FGF1: variants seen among roughly 807,000 people sequenced by gnomAD.
FGF1 encodes fibroblast growth factor 1, also known as beta-endothelial cell growth factor.
In FGF1, 9 loss-of-function variants were observed where a neutral mutation model predicts 13.4. That is an observed-to-expected ratio of 0.67 (90% CI 0.40 to 1.17). The LOEUF (loss-of-function observed/expected upper bound fraction) is 1.17. Ranked by LOEUF, FGF1 falls within the 50% of genes most tolerant of loss-of-function variation. The probability of loss-of-function intolerance (pLI) is 0.01; values close to 1 mark genes in which losing one functional copy is unlikely to be tolerated. For synonymous variants in FGF1, 93 were observed against 79.0 expected (o/e 1.18, Z -0.94); for missense variants, 156 against 192.7 (o/e 0.81, Z 1.13).
At chr5:142,628,418 G>A (rs1762811137) in intron 1 of FGF1, among the ~76,000 whole-genome samples, 1 of 152,206 alleles carries the variant, frequency 6.6e-6, no homozygotes, top group Non-Finnish European at 1.5e-5. Context: ...GTTGAGGTAA[G>A]AGAATCACTT....
At chr5:142,665,552 G>C (rs1198450730) in intron 1 of FGF1, among the ~76,000 whole-genome samples, 2 of 152,034 alleles carry the variant, frequency 1.3e-5, no homozygotes, top group East Asian at 3.9e-4. Flanking sequence ...CTCCCACCCT[G>C]GCTCACTGCA....
At chr5:142,652,275 G>A (rs192465179) in intron 1 of FGF1, among the ~76,000 whole-genome samples, 5 of 152,260 alleles carry the variant, frequency 3.3e-5, no homozygotes, top group Admixed American at 2.0e-4. Flanking sequence ...TCTTGTTAAC[G>A]TTTTTGAAGT....
chr5:142,696,699 C>T (rs1276448215), intron 2 of FGF1, among the ~76,000 whole-genome samples: 4 of 152,162 alleles, frequency 2.6e-5, no homozygotes, highest in Non-Finnish European at 4.4e-5. Context: ...GATACCAAAA[C>T]CTTGCTTTTT....
chr5:142,595,652 A>T (rs965123956), intron 3 of FGF1, among the ~76,000 whole-genome samples, 168 bp from the exon 4 acceptor site: 3 of 152,230 alleles, frequency 2.0e-5, no homozygotes, highest in African/African-American at 7.2e-5. Flanking sequence ...CAGGGTAGTC[A>T]TAAGGACTTA....
At chr5:142,667,078 G>A (rs1306661469) in intron 1 of FGF1, among the ~76,000 whole-genome samples, 1 of 151,856 alleles carries the variant, frequency 6.6e-6, no homozygotes, top group African/African-American at 2.4e-5. Context: ...TCAGGAGTTC[G>A]AGATCAGCCT....
chr5:142,669,589 G>A (rs1771058241), intron 1 of FGF1, among the ~76,000 whole-genome samples: 1 of 152,192 alleles, frequency 6.6e-6, no homozygotes, highest in Non-Finnish European at 1.5e-5. Context: ...TGAATGGAGA[G>A]GCTATTTACT....
At chr5:142,624,362 T>G (rs980228587) in intron 1 of FGF1, among the ~76,000 whole-genome samples, 4 of 152,254 alleles carry the variant, frequency 2.6e-5, no homozygotes, top group Admixed American at 2.6e-4. Flanking sequence ...CCATCACGCC[T>G]GGCCCATTTA....
intron 2 of FGF1, among the ~76,000 whole-genome samples, chr5:142,609,761 A>G (rs1157119742): frequency 1.3e-5 from 2 of 152,230 alleles, no homozygotes; most frequent in Admixed American, 6.5e-5. Flanking sequence ...TGTGCCTAGC[A>G]GTGTGCTAAA....
intron 1 of FGF1, among the ~76,000 whole-genome samples, chr5:142,618,878 TGTTAAGAATCAAAGGAAGGCAAACACTG>T (rs1417734941): frequency 6.6e-6 from 1 of 151,712 alleles, no homozygotes; most frequent in Non-Finnish European, 1.5e-5. Flanking sequence ...GACTGTGATG[TGTTAAGAATCAAAGGAAGGCAAACACTG>T]ACATTTATTT....
At chr5:142,639,422 A>G (rs1446893079) in intron 1 of FGF1, among the ~76,000 whole-genome samples, 3 of 152,048 alleles carry the variant, frequency 2.0e-5, no homozygotes, top group Non-Finnish European at 4.4e-5. Context: ...TTATGACAAC[A>G]TGGATGAACC....
At chr5:142,596,746 A>G (rs1031359142) in intron 3 of FGF1, among the ~76,000 whole-genome samples, 1 of 148,752 alleles carries the variant, frequency 6.7e-6, no homozygotes, top group African/African-American at 2.6e-5. Context: ...ACCTGTCTCT[A>G]AAGAGTAATA....
chr5:142,658,183 C>T (rs1243607857), intron 1 of FGF1, among the ~76,000 whole-genome samples: 1 of 152,228 alleles, frequency 6.6e-6, no homozygotes, highest in Non-Finnish European at 1.5e-5. Flanking sequence ...TTCCCTTTCC[C>T]TCACTCCCAC....
chr5:142,666,930 C>A lies in FGF1; in HGVS notation c.-35+19027G>T, dbSNP rs570486009. Among the ~76,000 whole-genome samples, 21 of 140,782 alleles carry A rather than the reference C, an allele frequency of 1.5e-4. 1 individual carries two copies. In the South Asian group the frequency reaches 2.9e-3, roughly 20 times the overall value. The allele number at this position is 140,782 out of a possible 152,430, so 92.4% of individuals were successfully genotyped here. A position where few individuals can be genotyped will look rare whatever the true frequency, so the allele number is the denominator to read the frequency against. The stretch of plus-strand genomic sequence containing the variant: ...GAGGCCTTGTCTCAAAAAACAAAAA[C>A]AAAAACAAAAACAAAAATGAAGAAA... On this transcript the variant is annotated intron_variant, in intron 1 of 3. Coordinates refer to ENST00000337706, the MANE Select transcript of FGF1 (RefSeq NM_000800.5).
upstream of FGF1, among the ~76,000 whole-genome samples, chr5:142,689,554 T>C (rs1340396700): frequency 6.6e-6 from 1 of 151,634 alleles, no homozygotes; most frequent in Non-Finnish European, 1.5e-5. Flanking sequence ...TCATATGCGC[T>C]TGCCCGCCGC....
chr5:142,696,579 G>A (rs970959110), intron 2 of FGF1, among the ~76,000 whole-genome samples: 2 of 152,164 alleles, frequency 1.3e-5, no homozygotes, highest in Admixed American at 6.5e-5. Flanking sequence ...GCAGCCATGT[G>A]GCCTTCACAA....
intron 2 of FGF1, among the ~76,000 whole-genome samples, chr5:142,609,256 T>C (rs1758520590): frequency 6.6e-6 from 1 of 152,168 alleles, no homozygotes; most frequent in Admixed American, 6.5e-5. Context: ...GCACTTTGCT[T>C]AAGAACATTT....
At chr5:142,612,274 G>T (rs1388324564) in intron 2 of FGF1, among the ~76,000 whole-genome samples, 1 of 152,152 alleles carries the variant, frequency 6.6e-6, no homozygotes, top group Non-Finnish European at 1.5e-5. Context: ...TGATGGAATG[G>T]CAACAGTTAA....
intron 2 of FGF1, among the ~76,000 whole-genome samples, chr5:142,608,797 A>G (rs928395287): frequency 1.4e-5 from 2 of 144,716 alleles, no homozygotes; most frequent in African/African-American, 5.1e-5. Flanking sequence ...GTGATATATT[A>G]TGTGTGTGTG....
chr5:142,606,754 G>C (rs1757785419), intron 2 of FGF1, among the ~76,000 whole-genome samples: 1 of 152,190 alleles, frequency 6.6e-6, no homozygotes, highest in Non-Finnish European at 1.5e-5. Context: ...GAGGAACTAA[G>C]ACTGGGAGAG....
Sources: allele counts gnomAD v4.1 joint callset (sites outside exome capture counted in the v4.1 genomes callset), GRCh38; gene constraint gnomAD v4.1.1; transcripts MANE v1.5; gene names NCBI Gene and HGNC (gene_info 2026-07-23, HGNC 2026-07-21).